The following MCM2 variants were observed in gnomAD, a reference collection of about 807,000 sequenced individuals.
MCM2 encodes minichromosome maintenance complex component 2, also known as DNA replication licensing factor MCM2.
MCM2 carries 49 observed loss-of-function variants against 86.4 expected under a neutral mutation model. That is an observed-to-expected ratio of 0.57 (90% CI 0.45 to 0.72). MCM2 has a LOEUF of 0.72. Ranked by LOEUF, MCM2 falls within the 30% of genes least tolerant of loss-of-function variation. The probability of loss-of-function intolerance (pLI) is 0.00; values close to 1 mark genes in which losing one functional copy is unlikely to be tolerated. For missense variants in MCM2, 1,038 were observed against 1,259.9 expected (o/e 0.82, Z 2.67); for synonymous variants, 475 against 484.6 (o/e 0.98, Z 0.26).
rs2074290060 is a variant in MCM2, at chr3:127,599,447, C to T, written c.136C>T (p.Leu46Phe). 1 of 1,614,212 alleles carries T rather than the reference C, an allele frequency of 6.2e-7. No homozygotes were observed. Among genetic ancestry groups the T allele is most frequent in the Non-Finnish European group, 8.5e-7 (1 of 1,180,050 alleles). The change falls in exon 2 of 16, where the codon CTT (leucine) becomes TTT (phenylalanine). Residue 46 changes from leucine to phenylalanine, a missense_variant. Leu to Phe is a conservative substitution (Grantham distance 22). Coordinates refer to ENST00000265056, the MANE Select transcript of MCM2 (RefSeq NM_004526.4). ...CCTCACCTCCAGCCCTGGCCGTGACCTTCCACCATTTGAGGATGAGTCCGA... is the reference window on the plus strand; with the variant it reads ...CCTCACCTCCAGCCCTGGCCGTGACTTTCCACCATTTGAGGATGAGTCCGA... ...DALTSSPGRD[L>F]PPFEDESEGL...
intron 6 of MCM2, among the ~76,000 whole-genome samples, chr3:127,607,473 G>A (rs1483557225): frequency 6.6e-6 from 1 of 152,196 alleles, no homozygotes; most frequent in Non-Finnish European, 1.5e-5. Flanking sequence ...CCCAGCTGGA[G>A]CCACCTTGCC....
intron 6 of MCM2, among the ~76,000 whole-genome samples, chr3:127,608,133 C>G (rs1279250070): frequency 6.6e-6 from 1 of 152,198 alleles, no homozygotes; most frequent in Non-Finnish European, 1.5e-5. Context: ...GTACTCAAGA[C>G]AGCTTAGCTG....
chr3:127,599,606 C>A, intron 2 of MCM2, 59 bp downstream of exon 2: 1 of 1,464,932 alleles, frequency 6.8e-7, no homozygotes, highest in Non-Finnish European at 9.3e-7. Flanking sequence ...CCATTGTGTG[C>A]CTGGTGGCCT....
At position 127,611,989 on chromosome 3, in the gene MCM2, G is replaced by A. The variant is rs181726855; in HGVS notation, c.1428+2966G>A. 4.8e-5 allele frequency among the ~76,000 whole-genome samples: 7 copies of A among 144,518 alleles called. 1 individual carries two copies. 94.8% of individuals were successfully genotyped at this position (144,518 alleles called of 152,430 possible). On this transcript the variant is annotated intron_variant, in intron 8 of 15. Transcript: ENST00000265056. ...GCTGGGATTACAGGCGTGAGCCACCGCGCCCGGCCAACAGCTGACTTTTTG... is the reference window on the plus strand; with the variant it reads ...GCTGGGATTACAGGCGTGAGCCACCACGCCCGGCCAACAGCTGACTTTTTG...
At chr3:127,614,613 C>T (rs2074420468) in intron 8 of MCM2, among the ~76,000 whole-genome samples, 1 of 152,220 alleles carries the variant, frequency 6.6e-6, no homozygotes, top group Admixed American at 6.5e-5. Context: ...TGTAATTTGG[C>T]AGTCAGGCAC....
rs184855824 is a variant in MCM2 at position 127,607,235 on chromosome 3, C to T, written c.1101+418C>T. Among the ~76,000 whole-genome samples the T allele has an allele frequency of 3.3e-5, 5 of 152,322 alleles. No individual in the cohort carries two copies. The East Asian group carries it at 7.7e-4, about 24-fold the overall frequency. On this transcript the variant is annotated intron_variant, in intron 6 of 15. Coordinates refer to ENST00000265056, the MANE Select transcript of MCM2 (RefSeq NM_004526.4). The stretch of plus-strand genomic sequence containing the variant: ...TTGTTTCTGGGACCTGTCTGGCTCA[C>T]GTGGGGCCCCTGGACCATACCAACC...
chr3:127,622,039 C>T lies in MCM2; in HGVS notation c.*266C>T. On this transcript the variant is annotated 3_prime_UTR_variant, in exon 16 of 16. Coordinates refer to ENST00000265056, the MANE Select transcript of MCM2 (RefSeq NM_004526.4). ...CACCTCCGAGTGCTTTGTCTCCACT[C>T]AGTACCTTGGATCAGAGCTGCTGAG... The T allele has an allele frequency of 2.5e-6, 1 of 395,352 alleles. No homozygotes were observed. Among genetic ancestry groups the T allele is most frequent in the East Asian group, 5.4e-5 (1 of 18,648 alleles). The allele number at this position is 395,352 out of a possible 1,614,324, so 24.5% of individuals were successfully genotyped here. A position where few individuals can be genotyped will look rare whatever the true frequency, so the allele number is the denominator to read the frequency against.
At chr3:127,621,271 T>C (rs760422892) in intron 15 of MCM2, 43 bp downstream of exon 15, 1 of 1,607,668 alleles carries the variant, frequency 6.2e-7, no homozygotes, top group South Asian at 1.1e-5. Context: ...TATGCTGACT[T>C]GGGAGCTGCC....
In MCM2 at chr3:127,615,812, A is replaced by G. The variant is rs374396352; in HGVS notation, c.1429-50A>G. ...TGATGCCAGAGCATGTGGGTGACCT[A>G]CTCTGTGAGTATCTGTTCCCATTCT... On this transcript the variant is annotated intron_variant, in intron 8 of 15. Transcript: ENST00000265056. 8 of 1,363,714 alleles carry G rather than the reference A, an allele frequency of 5.9e-6. No homozygotes were observed. The African/African-American group carries it at 8.6e-5, about 15-fold the overall frequency. The allele number at this position is 1,363,714 out of a possible 1,614,324, so 84.5% of individuals were successfully genotyped here.
chr3:127,621,842 TG>T lies in MCM2; in HGVS notation c.*71del. 8.3e-7 allele frequency: 1 copy of T among 1,202,046 alleles called. No homozygotes were observed. Among genetic ancestry groups the T allele is most frequent in the Non-Finnish European group, 1.2e-6 (1 of 824,980 alleles). 74.5% of individuals were successfully genotyped at this position (1,202,046 alleles called of 1,614,324 possible). A position where few individuals can be genotyped will look rare whatever the true frequency, so the allele number is the denominator to read the frequency against. On this transcript the variant is annotated 3_prime_UTR_variant, in exon 16 of 16. Coordinates refer to ENST00000265056, the MANE Select transcript of MCM2 (RefSeq NM_004526.4). ...GGTGGTCAGTGCCCTCTGTGCTTTA[TG>T]GACACAAAACCAGAGCACTTGATGA... is the stretch of plus-strand genomic sequence containing the variant.
rs1009753022 is a variant in MCM2 at position 127,617,217 on chromosome 3, C to G, written c.1774-62C>G. 21 of 1,607,776 alleles carry G rather than the reference C, an allele frequency of 1.3e-5. No individual in the cohort carries two copies. In the African/African-American group the frequency reaches 2.7e-4, roughly 20 times the overall value. On this transcript the variant is annotated intron_variant, in intron 10 of 15. Transcript: ENST00000265056. The surrounding 1 kb of genome is among the most constrained non-coding windows in gnomAD (Gnocchi z 4.1). ...GTGTTAATGGGGTCCATTGGGACCTCATCGGAGACTTAGTAGTAGGGGCGT... is the reference window on the plus strand; with the variant it reads ...GTGTTAATGGGGTCCATTGGGACCTGATCGGAGACTTAGTAGTAGGGGCGT...
chr3:127,609,765 AGCACC>A (rs2074379095), intron 8 of MCM2, among the ~76,000 whole-genome samples: 1 of 150,494 alleles, frequency 6.6e-6, no homozygotes, highest in Admixed American at 6.6e-5. Flanking sequence ...CTGCCCCCAG[AGCACC>A]GTGTGTTCTC....
rs2074429209 is a variant in MCM2 at position 127,615,885 on chromosome 3, C to T, written c.1452C>T (p.Ser484=). 5 of 1,613,956 alleles carry T rather than the reference C, an allele frequency of 3.1e-6. No individual in the cohort carries two copies. In the African/African-American group the frequency reaches 6.7e-5, roughly 22 times the overall value. The change falls in exon 9 of 16, where the codon TCC becomes TCT. Residue 484 remains serine, a synonymous_variant. Coordinates refer to ENST00000265056, the MANE Select transcript of MCM2 (RefSeq NM_004526.4). ...GEKIFASIAP[S]IYGHEDIKRG... is the part of the protein sequence containing the mutation. ...AGATCTTTGCCAGCATTGCTCCTTC[C>T]ATCTATGGTCATGAAGACATCAAGA... is the stretch of plus-strand genomic sequence containing the variant.
chr3:127,618,531 C>T lies in MCM2; in HGVS notation c.2013+450C>T, dbSNP rs2074450583. 6.6e-6 allele frequency among the ~76,000 whole-genome samples: 1 copy of T among 152,216 alleles called. No individual in the cohort carries two copies. Among genetic ancestry groups the T allele is most frequent in the African/African-American group, 2.4e-5 (1 of 41,458 alleles). On this transcript the variant is annotated intron_variant, in intron 12 of 15. Transcript: ENST00000265056. The surrounding 1 kb of genome is among the most constrained non-coding windows in gnomAD (Gnocchi z 4.0). ...CGGCCCGCACCCGCCATCTCTGCAG[C>T]TACCTCCTCCTCGCTCCCTTCCCTC...
intron 2 of MCM2, among the ~76,000 whole-genome samples, chr3:127,603,599 G>T (rs2074321888): frequency 6.6e-6 from 1 of 152,002 alleles, no homozygotes. Flanking sequence ...AATCCTCCCA[G>T]CTCAGCCTCC....
Position 127,608,884 on chromosome 3 carries a change from A to G in MCM2, c.1289A>G (p.Asn430Ser), listed in dbSNP as rs372110727. The change falls in exon 8 of 16, where the codon AAT becomes AGT. Residue 430 changes from asparagine (N) to serine (S), a missense_variant. By Grantham distance (46) the Asn-to-Ser change is conservative. Around this residue, in one of 4 missense-constraint regions of MCM2, gnomAD observed 399 missense variants for 507.2 expected, o/e 0.79. Transcript: ENST00000265056. ...NNYDGSLNTANGFPVFATVIL... is the reference protein window; with the variant it reads ...NNYDGSLNTASGFPVFATVIL... ...TATGATGGCTCCCTCAACACTGCCA[A>G]TGGCTTCCCTGTCTTTGCCACTGTC... 3.1e-5 allele frequency: 50 copies of G among 1,614,156 alleles called. No homozygotes were observed. Among genetic ancestry groups the G allele is most frequent in the South Asian group, 6.6e-5 (6 of 91,074 alleles).
At position 127,608,875 on chromosome 3, in the gene MCM2, A is replaced by G. The variant is rs531775518; in HGVS notation, c.1280A>G (p.Asn427Ser). 2.5e-6 allele frequency: 4 copies of G among 1,614,180 alleles called. No individual in the cohort carries two copies. The highest frequency in any genetic ancestry group is 4.5e-5 in the East Asian group (2 of 44,880). The change falls in exon 8 of 16, where the codon AAC (asparagine) becomes AGC (serine). Residue 427 changes from asparagine to serine, a missense_variant. By Grantham distance (46) the Asn-to-Ser change is conservative. Transcript: ENST00000265056. ...CACAACAACTATGATGGCTCCCTCA[A>G]CACTGCCAATGGCTTCCCTGTCTTT... The part of the protein sequence containing the change: ...IYHNNYDGSL[N>S]TANGFPVFAT...
rs774499332 is a variant in MCM2, at chr3:127,618,118, G to T, written c.2013+37G>T. On this transcript the variant is annotated intron_variant, in intron 12 of 15. Transcript: ENST00000265056. This position sits in a 1 kb window ranked among gnomAD's most constrained non-coding sequence, Gnocchi z 4.0. ...ATGTGCCCGGTTTCCATGAACTGTG[G>T]TTTGGGGACCTCAGGTGAGGCTTGG... 1 of 1,563,242 alleles carries T rather than the reference G, an allele frequency of 6.4e-7. No homozygotes were observed. Among genetic ancestry groups the T allele is most frequent in the East Asian group, 2.2e-5 (1 of 44,536 alleles).
chr3:127,606,111 CT>C lies in MCM2; in HGVS notation c.674-5del, dbSNP rs760831615. 4.2e-5 allele frequency: 68 copies of C among 1,612,260 alleles called. No homozygotes were observed. The African/African-American group carries it at 6.9e-4, about 16-fold the overall frequency. On this transcript the variant is annotated splice_polypyrimidine_tract_variant and splice_region_variant and intron_variant, in intron 4 of 15. Transcript: ENST00000265056. The surrounding 1 kb of genome is among the most constrained non-coding windows in gnomAD (Gnocchi z 4.2). ...GTTAACTCTCTTCCCACTGTGCCCC[CT>C]TCTAGAGAACCGTGAGAGCCTGGTG...
Sources: allele counts gnomAD v4.1 joint callset (sites outside exome capture counted in the v4.1 genomes callset), GRCh38; gene constraint gnomAD v4.1.1; regional missense constraint gnomAD v4.1.1; non-coding constraint Gnocchi (gnomAD v3.1); transcripts MANE v1.5; gene names NCBI Gene and HGNC (gene_info 2026-07-23, HGNC 2026-07-21).